Variants in MAD1L1 observed in about 807,000 individuals in gnomAD.
The protein encoded by MAD1L1 is mitotic spindle assembly checkpoint protein MAD1.
In MAD1L1, 95 loss-of-function variants were observed where a neutral mutation model predicts 96.9. That is an observed-to-expected ratio of 0.98 (90% CI 0.83 to 1.16). The LOEUF (loss-of-function observed/expected upper bound fraction) is 1.16. Among genes scored for constraint, MAD1L1 ranks in the 50% most tolerant of loss-of-function variants. MAD1L1 has a pLI of 0.00. For synonymous variants in MAD1L1, 473 were observed against 396.6 expected (o/e 1.19, Z -2.29); for missense variants, 1,007 against 954.4 (o/e 1.06, Z -0.73).
intron 5 of MAD1L1, among the ~76,000 whole-genome samples, chr7:2,220,292 C>G (rs1049271981): frequency 2.7e-4 from 41 of 152,186 alleles, no homozygotes; most frequent in African/African-American, 9.9e-4. Context: ...GCCTCCAGGA[C>G]AGCAGGTCTG....
At chr7:1,880,529 T>C (rs1785625316) in intron 18 of MAD1L1, among the ~76,000 whole-genome samples, 1 of 152,144 alleles carries the variant, frequency 6.6e-6, no homozygotes, top group Non-Finnish European at 1.5e-5. Context: ...CTCCTGGCCT[T>C]TCCCCGCTCA....
chr7:2,231,500 C>T (rs886692274), intron 1 of MAD1L1, among the ~76,000 whole-genome samples: 2 of 151,540 alleles, frequency 1.3e-5, no homozygotes, highest in East Asian at 2.0e-4. Context: ...CCAGCTACTC[C>T]GGAGGCTGGG....
intron 11 of MAD1L1, among the ~76,000 whole-genome samples, chr7:2,128,195 C>T (rs1469437557): frequency 6.6e-6 from 1 of 152,136 alleles, no homozygotes; most frequent in Non-Finnish European, 1.5e-5. Flanking sequence ...GGTTTGCATA[C>T]ATTCTTTAGA....
intron 18 of MAD1L1, among the ~76,000 whole-genome samples, chr7:1,872,212 C>T (rs1392916384): frequency 7.2e-5 from 11 of 152,206 alleles, no homozygotes; most frequent in Admixed American, 7.2e-4. Context: ...ACACTGTGAG[C>T]CCCACGGGGT....
At chr7:2,216,887 G>A (rs140650419) in intron 7 of MAD1L1, among the ~76,000 whole-genome samples, 18 of 152,322 alleles carry the variant, frequency 1.2e-4, no homozygotes, top group Admixed American at 3.3e-4. Context: ...GGCTGCACCA[G>A]GGGCCTCGAA....
At chr7:1,892,757 C>T (rs1786628143) in intron 18 of MAD1L1, among the ~76,000 whole-genome samples, 1 of 152,208 alleles carries the variant, frequency 6.6e-6, no homozygotes, top group Admixed American at 6.5e-5. Context: ...CCCTGACGCC[C>T]ACCCTGCAGG....
intron 18 of MAD1L1, among the ~76,000 whole-genome samples, chr7:1,876,528 C>T (rs572472933): frequency 5.9e-5 from 9 of 152,092 alleles, no homozygotes; most frequent in Middle Eastern, 3.4e-3. Context: ...AAATTAATTA[C>T]GATACCTTGG....
intron 18 of MAD1L1, among the ~76,000 whole-genome samples, chr7:1,864,224 A>C (rs938466540): frequency 6.6e-6 from 1 of 152,134 alleles, no homozygotes; most frequent in Non-Finnish European, 1.5e-5. Flanking sequence ...TTTCCTGGCC[A>C]CTTGTGTTGC....
At chr7:2,181,126 T>A (rs900245586) in intron 10 of MAD1L1, among the ~76,000 whole-genome samples, 1 of 152,268 alleles carries the variant, frequency 6.6e-6, no homozygotes, top group African/African-American at 2.4e-5. Context: ...AGAATTTCTA[T>A]GTGGTTTCTC....
At chr7:2,075,638 G>A (rs1441482398) in intron 11 of MAD1L1, among the ~76,000 whole-genome samples, 1 of 152,106 alleles carries the variant, frequency 6.6e-6, no homozygotes, top group East Asian at 1.9e-4. Flanking sequence ...AACAAGCTCT[G>A]AGCTTCTGAG....
Position 1,815,851 on chromosome 7 carries a change from C to T in MAD1L1, c.*219G>A. The T allele has an allele frequency of 1.9e-6, 1 of 535,640 alleles. No individual in the cohort carries two copies. The highest frequency in any genetic ancestry group is 3.2e-5 in the East Asian group (1 of 31,148). The allele number at this position is 535,640 out of a possible 1,614,324, so 33.2% of individuals were successfully genotyped here. On this transcript the variant is annotated 3_prime_UTR_variant, in exon 19 of 19. Coordinates refer to ENST00000265854, the MANE Select transcript of MAD1L1 (RefSeq NM_001013836.2). ...AGGAACCCAGGCTGGTGGCCGACGC[C>T]CACACACCAGGCTCCGGGACGCATG...
chr7:1,998,972 CCAGACCCCACAGTCCA>C (rs1365271970), intron 14 of MAD1L1, among the ~76,000 whole-genome samples: 4 of 151,270 alleles, frequency 2.6e-5, no homozygotes, highest in Non-Finnish European at 4.4e-5. Flanking sequence ...CTGCTGGACA[CCAGACCCCACAGTCCA>C]CAGACCCCAC....
chr7:1,923,998 C>T lies in MAD1L1; in HGVS notation c.1807+12689G>A, dbSNP rs1313195474. On this transcript the variant is annotated intron_variant, in intron 17 of 18. Transcript: ENST00000265854. ...CATTCTCCAGAGAACTTAAGAAAGA[C>T]CTAGAATCTCGGGATATTCAAAACA... Among the ~76,000 whole-genome samples the T allele has an allele frequency of 4.5e-4, 69 of 152,200 alleles. 2 individuals are homozygous for T. Among genetic ancestry groups the T allele is most frequent in the Admixed American group, 4.4e-3 (68 of 15,290 alleles).
chr7:2,055,851 C>T (rs1372353349), intron 12 of MAD1L1, among the ~76,000 whole-genome samples: 8 of 151,932 alleles, frequency 5.3e-5, no homozygotes, highest in Non-Finnish European at 8.8e-5. Context: ...TGGTGGCAGG[C>T]GCCTGTAATC....
At chr7:2,030,118 G>T (rs1347263171) in intron 12 of MAD1L1, among the ~76,000 whole-genome samples, 6 of 152,182 alleles carry the variant, frequency 3.9e-5, no homozygotes. Flanking sequence ...CCTCATTTCT[G>T]CAGGGCACCC....
chr7:1,982,293 G>A (rs1328601504), intron 14 of MAD1L1, among the ~76,000 whole-genome samples: 3 of 152,050 alleles, frequency 2.0e-5, no homozygotes. Context: ...TCAGCTCACT[G>A]CAGCTCCCAG....
At chr7:2,231,250 A>T (rs1431828582) in intron 1 of MAD1L1, among the ~76,000 whole-genome samples, 1 of 152,100 alleles carries the variant, frequency 6.6e-6, no homozygotes, top group African/African-American at 2.4e-5. Context: ...GTGACCTGAG[A>T]CCGCACCACT....
At chr7:2,105,687 G>A (rs1787051617) in intron 11 of MAD1L1, among the ~76,000 whole-genome samples, 1 of 152,076 alleles carries the variant, frequency 6.6e-6, no homozygotes, top group South Asian at 2.1e-4. Flanking sequence ...TTTACCTGGT[G>A]GCCTCGGCCT....
At chr7:1,961,828 A>C (rs940121664) in intron 15 of MAD1L1, among the ~76,000 whole-genome samples, 2 of 152,026 alleles carry the variant, frequency 1.3e-5, no homozygotes, top group African/African-American at 4.8e-5. Flanking sequence ...GGTGGGATAT[A>C]ATGAATCACA....
Sources: allele counts gnomAD v4.1 joint callset (sites outside exome capture counted in the v4.1 genomes callset), GRCh38; gene constraint gnomAD v4.1.1; transcripts MANE v1.5; gene names NCBI Gene and HGNC (gene_info 2026-07-23, HGNC 2026-07-21).